EYA1: variants seen among roughly 807,000 people sequenced by gnomAD.
EYA1 encodes protein phosphatase EYA1.
Under a neutral mutation model 82.0 loss-of-function variants are expected in EYA1, and 16 were observed. That is an observed-to-expected ratio of 0.20 (90% CI 0.13 to 0.30). EYA1 has a LOEUF of 0.30. EYA1 is among the 10% of genes least tolerant of loss of function. The pLI is 1.00. For synonymous variants in EYA1, 261 were observed against 264.4 expected, an observed-to-expected ratio of 0.99 and a Z score of 0.12; for missense variants, 633 against 730.7, an observed-to-expected ratio of 0.87 and a Z score of 1.54.
At chr8:71,302,080 T>C (rs1325973187) in intron 7 of EYA1, among the ~76,000 whole-genome samples, 1 of 152,172 alleles carries the variant, frequency 6.6e-6, no homozygotes, top group African/African-American at 2.4e-5. Flanking sequence ...AAGATGTGGA[T>C]ATCAATGCTT....
At chr8:71,477,017 A>G (rs773055075) in intron 2 of EYA1, among the ~76,000 whole-genome samples, 5 of 152,126 alleles carry the variant, frequency 3.3e-5, no homozygotes, top group Non-Finnish European at 7.4e-5. Context: ...ACAATTGGAT[A>G]TCCTCATGCA....
intron 9 of EYA1, among the ~76,000 whole-genome samples, chr8:71,294,140 A>T (rs1819319131): frequency 1.3e-5 from 2 of 152,166 alleles, no homozygotes; most frequent in Non-Finnish European, 2.9e-5. Flanking sequence ...CCTATATACC[A>T]GCAATGAGCA....
At chr8:71,400,275 C>T (rs527757708) in intron 2 of EYA1, among the ~76,000 whole-genome samples, 26 of 152,132 alleles carry the variant, frequency 1.7e-4, no homozygotes, top group African/African-American at 5.5e-4. Flanking sequence ...GCAATTGCAA[C>T]GAATGCAAAA....
chr8:71,211,377 C>A (rs1808489509), intron 16 of EYA1, 121 bp from the exon 17 acceptor site: 1 of 702,456 alleles, frequency 1.4e-6, no homozygotes, highest in Admixed American at 2.0e-5. Flanking sequence ...ACTAGTACCT[C>A]TAAGAGGAAT....
intron 11 of EYA1, among the ~76,000 whole-genome samples, chr8:71,247,286 A>T (rs916586683): frequency 1.3e-5 from 2 of 152,134 alleles, no homozygotes; most frequent in Admixed American, 6.5e-5. Flanking sequence ...AGTACGTGAA[A>T]TATGGCAGGA....
chr8:71,425,043 G>A (rs1035557934), intron 2 of EYA1, among the ~76,000 whole-genome samples: 12 of 146,698 alleles, frequency 8.2e-5, no homozygotes, highest in Non-Finnish European at 1.3e-4. Context: ...GGCGGATCAC[G>A]AGGTCAGGAG....
intron 9 of EYA1, among the ~76,000 whole-genome samples, chr8:71,278,633 T>C (rs1460583685): frequency 2.0e-5 from 3 of 152,254 alleles, no homozygotes; most frequent in African/African-American, 7.2e-5. Context: ...GTTTTAACCC[T>C]TTTTTCATAT....
chr8:71,223,196 G>C (rs1810148714), intron 12 of EYA1, among the ~76,000 whole-genome samples: 1 of 152,154 alleles, frequency 6.6e-6, no homozygotes, highest in African/African-American at 2.4e-5. Context: ...TAGGAGAGCT[G>C]AGGACCAGGA....
chr8:71,390,342 C>T (rs1381550256), intron 2 of EYA1, among the ~76,000 whole-genome samples: 1 of 151,506 alleles, frequency 6.6e-6, no homozygotes, highest in Non-Finnish European at 1.5e-5. Flanking sequence ...ACAATCAGAG[C>T]TCACTGAACT....
intron 2 of EYA1, among the ~76,000 whole-genome samples, chr8:71,460,114 A>G (rs1808255846): frequency 6.6e-6 from 1 of 152,220 alleles, no homozygotes; most frequent in Non-Finnish European, 1.5e-5. Flanking sequence ...TACAGAAGAC[A>G]TTGTTCACAT....
chr8:71,436,566 A>C (rs1806027875), intron 2 of EYA1, among the ~76,000 whole-genome samples: 1 of 152,180 alleles, frequency 6.6e-6, no homozygotes, highest in Non-Finnish European at 1.5e-5. Flanking sequence ...TGCATTTCAC[A>C]TAAACATCTG....
At chr8:71,228,940 C>T (rs150063218) in intron 12 of EYA1, among the ~76,000 whole-genome samples, 34 of 152,278 alleles carry the variant, frequency 2.2e-4, no homozygotes, top group African/African-American at 8.2e-4. Context: ...TTTTGCTGTT[C>T]CAGGCAAGGC....
At position 71,423,144 on chromosome 8, in the gene EYA1, A is replaced by C. The variant is rs74591212; in HGVS notation, c.34-66633T>G. On this transcript the variant is annotated intron_variant, in intron 2 of 18. Coordinates refer to the EYA1 transcript ENST00000643681. ...ATGTTCACAAAGGCATTATGTTTTC[A>C]AATTGTTGTTATTGGGTATGGGGGT... is the stretch of plus-strand genomic sequence containing the variant. Among the ~76,000 whole-genome samples the C allele has an allele frequency of 5.3e-5, 8 of 152,294 alleles. No individual in the cohort carries two copies. The East Asian group carries it at 1.5e-3, about 29-fold the overall frequency.
intron 12 of EYA1, among the ~76,000 whole-genome samples, chr8:71,233,367 A>G (rs1332936447): frequency 2.0e-5 from 3 of 152,056 alleles, no homozygotes; most frequent in South Asian, 2.1e-4. Context: ...GATCGAGACC[A>G]TCCTGGCTAA....
At chr8:71,320,599 C>T (rs1453666596) in intron 6 of EYA1, among the ~76,000 whole-genome samples, 1 of 151,920 alleles carries the variant, frequency 6.6e-6, no homozygotes, top group African/African-American at 2.4e-5. Flanking sequence ...TTTAAAAATA[C>T]CTATCTAGAA....
At chr8:71,301,072 G>T (rs892113267) in intron 7 of EYA1, among the ~76,000 whole-genome samples, 1 of 152,178 alleles carries the variant, frequency 6.6e-6, no homozygotes, top group Non-Finnish European at 1.5e-5. Context: ...CAAATGAGCA[G>T]TATAGGCCAT....
intron 12 of EYA1, among the ~76,000 whole-genome samples, chr8:71,226,687 A>G (rs146991245): frequency 0.013 from 2,002 of 150,160 alleles, 45 homozygotes; most frequent in African/African-American, 0.046. Context: ...CAGTTTTAAT[A>G]TAAGGATAAT....
intron 2 of EYA1, among the ~76,000 whole-genome samples, chr8:71,517,946 T>G (rs888795115): frequency 1.3e-5 from 2 of 151,798 alleles, no homozygotes; most frequent in Non-Finnish European, 2.9e-5. Context: ...TTTCCCAATG[T>G]TTTTTAATCA....
intron 11 of EYA1, among the ~76,000 whole-genome samples, chr8:71,255,895 T>C (rs1280737987): frequency 6.6e-6 from 1 of 151,882 alleles, no homozygotes; most frequent in Non-Finnish European, 1.5e-5. Context: ...ATTTAAAAAA[T>C]GGGAAAAGGA....
Sources: gnomAD v4.1 joint callset for allele counts (sites outside exome capture counted in the v4.1 genomes callset) on GRCh38, gnomAD v4.1.1 for gene constraint, MANE v1.5 for transcripts, NCBI Gene and HGNC (gene_info 2026-07-23, HGNC 2026-07-21) for gene names.